The following SLC47A2 variants were observed in gnomAD, a reference collection of about 807,000 sequenced individuals.
SLC47A2 encodes solute carrier family 47 member 2, also known as multidrug and toxin extrusion protein 2.
In SLC47A2, 52 loss-of-function variants were observed where a neutral mutation model predicts 67.7. That is an observed-to-expected ratio of 0.77 (90% confidence interval 0.61 to 0.97). The LOEUF is 0.97. Ranked by LOEUF, SLC47A2 falls within the 50% of genes least tolerant of loss-of-function variation. The probability of loss-of-function intolerance (pLI) is 0.00; values close to 1 mark genes in which losing one functional copy is unlikely to be tolerated. For synonymous variants in SLC47A2, 278 were observed against 292.9 expected, an observed-to-expected ratio of 0.95 and a Z score of 0.52; for missense variants, 676 against 712.3, an observed-to-expected ratio of 0.95 and a Z score of 0.58.
chr17:19,691,132 A>G (rs1017393776), intron 13 of SLC47A2, among the ~76,000 whole-genome samples: 1 of 152,106 alleles, frequency 6.6e-6, no homozygotes, highest in Non-Finnish European at 1.5e-5. Context: ...TAAAAAAAAA[A>G]AAAGGGAGCC....
At position 19,681,596 on chromosome 17, in the gene SLC47A2, G is replaced by GTAAT. The variant is rs1403119277; in HGVS notation, c.1235_1238dup (p.Tyr413Ter). The GTAAT allele has an allele frequency of 6.2e-7, 1 of 1,614,192 alleles. No individual in the cohort carries two copies. The highest frequency in any genetic ancestry group is 1.7e-5 in the Admixed American group (1 of 60,024). ...GGATGCCCAGTGGTAGGCCGATGAT[G>GTAAT]TAATATGTGATGGCATTCACAGCGG... On this transcript the variant is annotated stop_gained and frameshift_variant, in exon 14 of 17. Transcript: ENST00000433844. LOFTEE classifies it high-confidence loss of function.
Position 19,716,584 on chromosome 17 carries a change from C to A in SLC47A2, c.-29G>T. On this transcript the variant is annotated 5_prime_UTR_variant, in exon 1 of 17. Transcript: ENST00000433844. Reference sequence around the variant, plus strand: ...TGGCCGGGGCACTGGCTACCCTGCACGCCTGAGCGCCTGCACGGCCAGCTT... The same window carrying A: ...TGGCCGGGGCACTGGCTACCCTGCAAGCCTGAGCGCCTGCACGGCCAGCTT... The A allele has an allele frequency of 6.4e-7, 1 of 1,557,486 alleles. No homozygotes were observed. The highest frequency in any genetic ancestry group is 8.7e-7 in the Non-Finnish European group (1 of 1,153,656).
intron 2 of SLC47A2, 32 bp downstream of exon 2, chr17:19,715,084 C>A (rs533429490): frequency 6.2e-7 from 1 of 1,600,588 alleles, no homozygotes; most frequent in East Asian, 2.2e-5. Context: ...GGGGAGAGAA[C>A]GTCCCTGCTC....
In SLC47A2 at chr17:19,679,042, A is replaced by T. The variant is rs2085253172; in HGVS notation, c.1481-136T>A. ...CAAGGGACGATGCCTATACAGTAGA[A>T]AAATAACTGCTTTATCTACTTTACA... On this transcript the variant is annotated intron_variant, in intron 16 of 16. Transcript: ENST00000433844. The T allele has an allele frequency of 1.6e-5, 11 of 668,092 alleles. 1 individual carries two copies. In the South Asian group the frequency reaches 2.0e-4, roughly 12 times the overall value. 41.4% of individuals were successfully genotyped at this position (668,092 alleles called of 1,614,324 possible).
At chr17:19,702,927 T>TG (rs1260280885) in intron 12 of SLC47A2, among the ~76,000 whole-genome samples, 165 bp downstream of exon 12, 1 of 152,142 alleles carries the variant, frequency 6.6e-6, no homozygotes, top group Non-Finnish European at 1.5e-5. Flanking sequence ...ACTAAAGGCC[T>TG]GGGGTGGATA....
At position 19,681,589 on chromosome 17, in the gene SLC47A2, C is replaced by A; in HGVS notation, c.1246G>T (p.Gly416Cys). 6.2e-7 allele frequency: 1 copy of A among 1,614,112 alleles called. No homozygotes were observed. The highest frequency in any genetic ancestry group is 8.5e-7 in the Non-Finnish European group (1 of 1,180,030). Residue 416 changes from glycine to cysteine, a missense_variant, in exon 14 of 17, where the codon GGC becomes TGC. By Grantham distance (159) the Gly-to-Cys change is radical. Coordinates refer to ENST00000433844, the MANE Select transcript of SLC47A2 (RefSeq NM_001099646.3). ...GTCAGAAGGATGCCCAGTGGTAGGCCGATGATGTAATATGTGATGGCATTC... is the reference window on the plus strand; with the variant it reads ...GTCAGAAGGATGCCCAGTGGTAGGCAGATGATGTAATATGTGATGGCATTC... ...AVNAITYYII[G>C]LPLGILLTFV...
chr17:19,679,664 G>A (rs2085271131), intron 16 of SLC47A2, among the ~76,000 whole-genome samples: 1 of 152,028 alleles, frequency 6.6e-6, no homozygotes, highest in Non-Finnish European at 1.5e-5. Flanking sequence ...GGATGAGGGA[G>A]GAAATACCTA....
chr17:19,710,557 A>G (rs1203390677), intron 5 of SLC47A2, among the ~76,000 whole-genome samples: 1 of 152,002 alleles, frequency 6.6e-6, no homozygotes, highest in Non-Finnish European at 1.5e-5. Context: ...GGTTCAAGCA[A>G]TTCTCCTGAC....
intron 10 of SLC47A2, 39 bp downstream of exon 10, chr17:19,705,397 G>A (rs761869274): frequency 6.3e-7 from 1 of 1,584,018 alleles, no homozygotes; most frequent in South Asian, 1.1e-5. Flanking sequence ...CAGCCATCAG[G>A]TGGGGGATGT....
rs1356590011 is a variant in SLC47A2, at chr17:19,706,780, T to C, written c.728-19A>G. ...GACCAACCTGGAAACAGAGGCCCCA[T>C]GAGCTGACAGCCTGCCCTGCTTGCC... On this transcript the variant is annotated intron_variant, in intron 8 of 16. Transcript: ENST00000433844. The C allele has an allele frequency of 6.3e-7, 1 of 1,589,872 alleles. No individual in the cohort carries two copies. The highest frequency in any genetic ancestry group is 1.8e-5 in the Admixed American group (1 of 56,090).
In SLC47A2 at chr17:19,714,716, C is replaced by T. The variant is rs1337109898; in HGVS notation, c.294+5G>A. On this transcript the variant is annotated splice_donor_5th_base_variant and intron_variant, in intron 3 of 16. Transcript: ENST00000433844. ...CTTCCTGCCCAGCTCCAGGAGGCCA[C>T]CCACCTGAGACATCAAGGTGTCACA... 6.2e-7 allele frequency: 1 copy of T among 1,613,924 alleles called. No homozygotes were observed. The highest frequency in any genetic ancestry group is 1.3e-5 in the African/African-American group (1 of 74,950).
intron 9 of SLC47A2, 86 bp downstream of exon 9, chr17:19,706,562 T>G: frequency 8.8e-7 from 1 of 1,137,034 alleles, no homozygotes; most frequent in South Asian, 1.6e-5. Context: ...GCTTCTGGGA[T>G]GGGTGAGCCG....
At position 19,681,411 on chromosome 17, in the gene SLC47A2, C is replaced by T. The variant is rs774125509; in HGVS notation, c.1348G>A (p.Val450Ile). The change falls in exon 15 of 17, where the codon GTT becomes ATT. Residue 450 changes from valine (V) to isoleucine (I), a missense_variant. Physicochemically the swap from Val to Ile is conservative, Grantham distance 29. Transcript: ENST00000433844. ...ACVFLATAAFVAYTARLDWKL... is the reference protein window; with the variant it reads ...ACVFLATAAFIAYTARLDWKL... Reference sequence around the variant, plus strand: ...CAGTCCAGCCGGGCAGTATAAGCAACAAAGGCAGCAGTTGCCAGGAAGACA... The same window carrying T: ...CAGTCCAGCCGGGCAGTATAAGCAATAAAGGCAGCAGTTGCCAGGAAGACA... 7.4e-6 allele frequency: 12 copies of T among 1,613,256 alleles called. No homozygotes were observed. In the African/African-American group the frequency reaches 9.3e-5, roughly 13 times the overall value.
intron 13 of SLC47A2, among the ~76,000 whole-genome samples, chr17:19,698,344 A>G (rs2085711109): frequency 6.6e-6 from 1 of 152,054 alleles, no homozygotes; most frequent in Admixed American, 6.6e-5. Flanking sequence ...TTCTCGTATC[A>G]GTACTTTTTT....
chr17:19,703,244 C>T lies in SLC47A2; in HGVS notation c.1019-77G>A, dbSNP rs1383297331. The T allele has an allele frequency of 6.5e-6, 9 of 1,395,114 alleles. No individual in the cohort carries two copies. In the African/African-American group the frequency reaches 1.3e-4, roughly 20 times the overall value. The allele number at this position is 1,395,114 out of a possible 1,614,324, so 86.4% of individuals were successfully genotyped here. ...CTTGCTCAGATCAGCAAAGGGCTGG[C>T]CCCTATGTCAGTGCAAGTCAGCCCA... is the stretch of plus-strand genomic sequence containing the variant. On this transcript the variant is annotated intron_variant, in intron 11 of 16. Transcript: ENST00000433844.
rs747207524 is a variant in SLC47A2 at position 19,703,168 on chromosome 17, C to T, written c.1019-1G>A. The T allele has an allele frequency of 7.4e-6, 12 of 1,613,926 alleles. No individual in the cohort carries two copies. Among genetic ancestry groups the T allele is most frequent in the African/African-American group, 1.3e-5 (1 of 74,920 alleles). On this transcript the variant is annotated splice_acceptor_variant, in intron 11 of 16. Transcript: ENST00000433844. LOFTEE classifies it high-confidence loss of function. ...GTGCCCAGGACCAGGGAAATGCCAA[C>T]TGGAAGAGACAAAAGGTGCAGCAAT...
intron 3 of SLC47A2, chr17:19,714,312 C>G (rs1316668177): frequency 1.0e-5 from 4 of 390,652 alleles, no homozygotes; most frequent in Non-Finnish European, 1.9e-5. Flanking sequence ...TTTGTGACCC[C>G]ATGGCCACCT....
intron 16 of SLC47A2, among the ~76,000 whole-genome samples, chr17:19,679,145 G>C (rs1346585668): frequency 1.3e-5 from 2 of 152,204 alleles, no homozygotes; most frequent in African/African-American, 4.8e-5. Context: ...TTACTACTAG[G>C]ATCTCATGAG....
chr17:19,703,218 C>G (rs1406034698), intron 11 of SLC47A2, 51 bp from the exon 12 acceptor site: 1 of 1,564,550 alleles, frequency 6.4e-7, no homozygotes, highest in Non-Finnish European at 8.8e-7. Flanking sequence ...CAGGAAGCAC[C>G]CTTGCTCAGA....
Sources: allele counts gnomAD v4.1 joint callset (sites outside exome capture counted in the v4.1 genomes callset), GRCh38; gene constraint gnomAD v4.1.1; transcripts MANE v1.5; gene names NCBI Gene and HGNC (gene_info 2026-07-23, HGNC 2026-07-21).